CYB5R3: variants seen among roughly 807,000 people sequenced by gnomAD.
CYB5R3 encodes the protein NADH-cytochrome b5 reductase 3.
Under a neutral mutation model 36.5 loss-of-function variants are expected in CYB5R3, and 28 were observed. That is an observed-to-expected ratio of 0.77 (90% CI 0.57 to 1.05). CYB5R3 has a LOEUF of 1.05. Among genes scored for constraint, CYB5R3 ranks in the 50% least tolerant of loss-of-function variants. The pLI is 0.00. For synonymous variants in CYB5R3, 181 were observed against 159.8 expected (o/e 1.13, Z -1.00); for missense variants, 474 against 408.9 (o/e 1.16, Z -1.37).
chr22:42,637,110 G>A (rs141993525), intron 1 of CYB5R3, among the ~76,000 whole-genome samples: 2 of 152,152 alleles, frequency 1.3e-5, no homozygotes, highest in Admixed American at 1.3e-4. Context: ...TTCCTCTGAA[G>A]AGCCAGGACC....
At chr22:42,630,766 G>C in intron 4 of CYB5R3, 116 bp downstream of exon 4, 4 of 893,600 alleles carry the variant, frequency 4.5e-6, no homozygotes, top group Non-Finnish European at 5.4e-6. Flanking sequence ...AGCCATGACC[G>C]AGGCTGGGCT....
rs373001940 is a variant in CYB5R3 at position 42,627,714 on chromosome 22, C to T, written c.464-26G>A. The stretch of plus-strand genomic sequence containing the variant: ...CTGGGGAGAGAGAAGGGGTGAGGCC[C>T]GGCCATCAAACATGCCATGTGTGGT... On this transcript the variant is annotated intron_variant, in intron 5 of 8. Transcript: ENST00000352397. 124 of 1,556,796 alleles carry T rather than the reference C, an allele frequency of 8.0e-5. 1 individual carries two copies. Among genetic ancestry groups the T allele is most frequent in the Admixed American group, 3.8e-4 (23 of 59,918 alleles).
At chr22:42,628,903 G>C (rs1380150521) in intron 4 of CYB5R3, among the ~76,000 whole-genome samples, 3 of 152,126 alleles carry the variant, frequency 2.0e-5, no homozygotes, top group Non-Finnish European at 4.4e-5. Context: ...CTCAGGGAGG[G>C]GAGCCTGTTG....
chr22:42,628,464 C>T (rs543323655), intron 4 of CYB5R3, among the ~76,000 whole-genome samples, 183 bp from the exon 5 acceptor site: 1 of 152,302 alleles, frequency 6.6e-6, no homozygotes, highest in Admixed American at 6.5e-5. Flanking sequence ...TCCTTCACCC[C>T]GTCCTCCCAG....
At chr22:42,645,743 G>A (rs1284813711) in intron 1 of CYB5R3, among the ~76,000 whole-genome samples, 4 of 152,168 alleles carry the variant, frequency 2.6e-5, no homozygotes, top group African/African-American at 9.7e-5. Context: ...ACTTGAGCCC[G>A]GGGACACTTT....
intron 1 of CYB5R3, chr22:42,639,723 G>T: frequency 2.1e-6 from 1 of 481,036 alleles, no homozygotes; most frequent in Non-Finnish European, 3.7e-6. Context: ...GCAAAGGAAT[G>T]TCCTTGTTCT....
chr22:42,639,340 G>GGT lies in CYB5R3; in HGVS notation c.22-2495_22-2494insAC, dbSNP rs1556032465. 2.8e-3 allele frequency among the ~76,000 whole-genome samples: 418 copies of GGT among 146,672 alleles called. 4 individuals carry two copies. The highest frequency in any genetic ancestry group is 4.3e-3 in the Non-Finnish European group (285 of 66,616). ...CTCTGTCTCAAAAAAAAAAAAAGTG[G>GGT]GGGGGGACCGGGCACGGTGGCTCAC... On this transcript the variant is annotated intron_variant, in intron 1 of 8. Coordinates refer to ENST00000352397, the MANE Select transcript of CYB5R3 (RefSeq NM_000398.7).
intron 2 of CYB5R3, among the ~76,000 whole-genome samples, chr22:42,636,399 A>C (rs1180531742): frequency 6.6e-6 from 1 of 152,102 alleles, no homozygotes; most frequent in Non-Finnish European, 1.5e-5. Flanking sequence ...CCTTATCTTC[A>C]AATCTCTCAC....
intron 1 of CYB5R3, chr22:42,646,876 C>G: frequency 1.0e-6 from 1 of 985,528 alleles, no homozygotes; most frequent in Non-Finnish European, 1.2e-6. Context: ...GAAAGCCCGG[C>G]AGACTGTACC....
rs200731823 is a variant in CYB5R3 at position 42,627,618 on chromosome 22, G to A, written c.534C>T (p.Ile178=). The A allele has an allele frequency of 1.2e-5, 20 of 1,613,952 alleles. No individual in the cohort carries two copies. Among genetic ancestry groups the A allele is most frequent in the Middle Eastern group, 1.6e-4 (1 of 6,084 alleles). ...GGTTCCGTGTACCTGTCCCTCCCGC[G>A]ATCATGCCCACAGACTTCACTGTCC... ...IIRTVKSVGM[I]AGGTGITPML... The change falls in exon 6 of 9, where the codon ATC becomes ATT. Residue 178 remains isoleucine, a synonymous_variant. Coordinates refer to ENST00000352397, the MANE Select transcript of CYB5R3 (RefSeq NM_000398.7).
intron 7 of CYB5R3, among the ~76,000 whole-genome samples, chr22:42,626,601 G>A (rs1928280656): frequency 6.6e-6 from 1 of 152,232 alleles, no homozygotes; most frequent in Non-Finnish European, 1.5e-5. Flanking sequence ...GGCCATCTTG[G>A]TTGGCCTTGC....
At chr22:42,627,498 C>T in intron 6 of CYB5R3, 107 bp downstream of exon 6, 2 of 1,468,808 alleles carry the variant, frequency 1.4e-6, no homozygotes, top group East Asian at 2.3e-5. Context: ...GGGCCTGGGC[C>T]CCTGACCTCT....
chr22:42,627,834 G>A (rs1041902561), intron 5 of CYB5R3, 146 bp from the exon 6 acceptor site: 3 of 745,614 alleles, frequency 4.0e-6, no homozygotes, highest in Non-Finnish European at 7.2e-6. Context: ...CATGAGGAAG[G>A]TGCAGGAGCA....
intron 7 of CYB5R3, among the ~76,000 whole-genome samples, chr22:42,625,916 G>A (rs1328956366): frequency 6.6e-6 from 1 of 152,220 alleles, no homozygotes; most frequent in Non-Finnish European, 1.5e-5. Flanking sequence ...CAGATGGGAT[G>A]TAGAAACAAA....
At position 42,619,903 on chromosome 22, in the gene CYB5R3, C is replaced by G. The variant is rs769788490; in HGVS notation, c.776G>C (p.Arg259Pro). Residue 259 changes from arginine to proline, a missense_variant, in exon 9 of 9, where the codon CGG (arginine) becomes CCG (proline). Arg to Pro is a moderately radical substitution (Grantham distance 103). Coordinates refer to ENST00000352397, the MANE Select transcript of CYB5R3 (RefSeq NM_000398.7). ...CTCCTCTGGGGGTGGAAGGTGGTCC[C>G]GGATCATCTCCTCATTCACGAAGCC... ...GQGFVNEEMI[R>P]DHLPPPEEEP... The G allele has an allele frequency of 3.1e-6, 5 of 1,607,752 alleles. No homozygotes were observed. Among genetic ancestry groups the G allele is most frequent in the Non-Finnish European group, 4.2e-6 (5 of 1,177,422 alleles).
At chr22:42,620,971 A>T (rs1163912959) in intron 8 of CYB5R3, among the ~76,000 whole-genome samples, 2 of 152,020 alleles carry the variant, frequency 1.3e-5, no homozygotes, top group Non-Finnish European at 2.9e-5. Context: ...CCCACTTTCC[A>T]TTTGTGCCAC....
Position 42,619,626 on chromosome 22 carries a change from G to A in CYB5R3, c.*147C>T. ...GCCCTGCTCCCGAAGGGGCTCCAGGGGAACTGCTCAGCCAGGTGATTCACC... is the reference window on the plus strand; with the variant it reads ...GCCCTGCTCCCGAAGGGGCTCCAGGAGAACTGCTCAGCCAGGTGATTCACC... On this transcript the variant is annotated 3_prime_UTR_variant, in exon 9 of 9. Transcript: ENST00000352397. The A allele has an allele frequency of 1.3e-6, 1 of 743,456 alleles. No homozygotes were observed. Among genetic ancestry groups the A allele is most frequent in the South Asian group, 1.8e-5 (1 of 56,962 alleles). 46.1% of individuals were successfully genotyped at this position (743,456 alleles called of 1,614,324 possible). A position where few individuals can be genotyped will look rare whatever the true frequency, so the allele number is the denominator to read the frequency against.
At chr22:42,626,773 G>T (rs1390193202) in intron 7 of CYB5R3, among the ~76,000 whole-genome samples, 1 of 152,220 alleles carries the variant, frequency 6.6e-6, no homozygotes, top group Non-Finnish European at 1.5e-5. Context: ...CTACAGATGA[G>T]GGAGTGAAGC....
At chr22:42,629,936 T>G (rs2267453) in intron 4 of CYB5R3, among the ~76,000 whole-genome samples, 49,318 of 151,766 alleles carry the variant, frequency 0.32, 8,957 homozygotes, top group South Asian at 0.46. Context: ...TAGCTGGGAT[T>G]ACAGGTGCGC....
Sources: gnomAD v4.1 joint callset for allele counts (sites outside exome capture counted in the v4.1 genomes callset) on GRCh38, gnomAD v4.1.1 for gene constraint, MANE v1.5 for transcripts, NCBI Gene and HGNC (gene_info 2026-07-23, HGNC 2026-07-21) for gene names.